The following NINJ2 variants were observed in gnomAD, a reference collection of about 807,000 sequenced individuals.
NINJ2 encodes ninjurin 2, also known as ninjurin-2.
Under a neutral mutation model 11.7 loss-of-function variants are expected in NINJ2, and 12 were observed. The ratio of observed to expected loss-of-function variants is 1.02; its 90% CI spans 0.66 to 1.66. The LOEUF (loss-of-function observed/expected upper bound fraction) is 1.66, where lower values mean the gene tolerates loss of function less well. Ranked by LOEUF, NINJ2 falls within the 40% of genes most tolerant of loss-of-function variation. NINJ2 has a pLI of 0.00. For synonymous variants in NINJ2, 93 were observed against 76.8 expected, an observed-to-expected ratio of 1.21 and a Z score of -1.10; for missense variants, 187 against 181.8, an observed-to-expected ratio of 1.03 and a Z score of -0.16.
chr12:655,042 ACT>A (rs1000989813), intron 1 of NINJ2, among the ~76,000 whole-genome samples: 1 of 152,144 alleles, frequency 6.6e-6, no homozygotes, highest in African/African-American at 2.4e-5. Flanking sequence ...CATGATAAAA[ACT>A]CTCAGTACAC....
At chr12:608,230 A>G (rs1192113976) in intron 1 of NINJ2, among the ~76,000 whole-genome samples, 4 of 152,184 alleles carry the variant, frequency 2.6e-5, no homozygotes, top group Non-Finnish European at 5.9e-5. Flanking sequence ...CCTTTAGACT[A>G]TCTTTAGGAA....
chr12:615,398 G>A (rs1348592231), intron 1 of NINJ2, among the ~76,000 whole-genome samples: 1 of 152,126 alleles, frequency 6.6e-6, no homozygotes, highest in East Asian at 1.9e-4. Flanking sequence ...AGACCAGCCT[G>A]ACCAACACAG....
chr12:646,032 G>C (rs1937674471), intron 1 of NINJ2, among the ~76,000 whole-genome samples: 1 of 152,062 alleles, frequency 6.6e-6, no homozygotes, highest in Non-Finnish European at 1.5e-5. Flanking sequence ...AAATAACAGG[G>C]TTTCTCTCTT....
intron 1 of NINJ2, among the ~76,000 whole-genome samples, chr12:600,481 G>A (rs766243205): frequency 2.6e-5 from 4 of 152,064 alleles, no homozygotes; most frequent in Admixed American, 2.0e-4. Context: ...ACTTGAACCT[G>A]GGAGGCGGAG....
intron 1 of NINJ2, among the ~76,000 whole-genome samples, chr12:648,980 A>ATCTATCTGTCTGTCTGTCTG (rs1555167420): frequency 5.6e-5 from 1 of 17,888 alleles, no homozygotes. Context: ...TCATCCACCT[A>ATCTATCTGTCTGTCTGTCTG]TCTATCTATC....
Position 585,874 on chromosome 12 carries a change from T to C in NINJ2, c.34-19696A>G, listed in dbSNP as rs1947630490. 6.6e-6 allele frequency: 1 copy of C among 152,016 alleles called. No individual in the cohort carries two copies. Among genetic ancestry groups the C allele is most frequent in the Non-Finnish European group, 1.5e-5 (1 of 67,986 alleles). The allele number at this position is 152,016 out of a possible 1,614,324, so 9.4% of individuals were successfully genotyped here. On this transcript the variant is annotated intron_variant, in intron 1 of 3. Coordinates refer to ENST00000305108, the MANE Select transcript of NINJ2 (RefSeq NM_016533.6). This position sits in a 1 kb window ranked among gnomAD's most constrained non-coding sequence, Gnocchi z 4.1. ...GCAGGAGCGCCTCCATCCAGGGGCGTGGAGGAGGCTCTGTGGATCTCAGGG... is the reference window on the plus strand; with the variant it reads ...GCAGGAGCGCCTCCATCCAGGGGCGCGGAGGAGGCTCTGTGGATCTCAGGG...
At chr12:611,749 A>G (rs921249334) in intron 1 of NINJ2, among the ~76,000 whole-genome samples, 5 of 152,224 alleles carry the variant, frequency 3.3e-5, no homozygotes, top group Non-Finnish European at 7.3e-5. Flanking sequence ...TTCTTCCCAT[A>G]CCCACCATAC....
Position 592,055 on chromosome 12 carries a change from C to T in NINJ2, c.34-25877G>A, listed in dbSNP as rs74658006. Reference sequence around the variant, plus strand: ...ATATCTTGTTTGCATTCTCGGTGAACTTACCATTAATCTGTGACAGATGAA... The same window carrying T: ...ATATCTTGTTTGCATTCTCGGTGAATTTACCATTAATCTGTGACAGATGAA... On this transcript the variant is annotated intron_variant, in intron 1 of 3. Coordinates refer to ENST00000305108, the MANE Select transcript of NINJ2 (RefSeq NM_016533.6). Among the ~76,000 whole-genome samples the T allele has an allele frequency of 7.8e-3, 1,180 of 152,188 alleles. 12 individuals are homozygous for T. The highest frequency in any genetic ancestry group is 0.027 in the African/African-American group (1,127 of 41,496).
At chr12:564,777 C>T (rs760226228) in intron 3 of NINJ2, 96 bp from the exon 4 acceptor site, 3 of 153,120 alleles carry the variant, frequency 2.0e-5, no homozygotes, top group African/African-American at 7.2e-5. Flanking sequence ...CCACGTTACT[C>T]ATGCACGTGC....
chr12:627,451 T>C (rs1948222210), intron 1 of NINJ2, among the ~76,000 whole-genome samples: 1 of 152,320 alleles, frequency 6.6e-6, no homozygotes, highest in East Asian at 1.9e-4. Context: ...GTAAGACTGA[T>C]GTCAGCTGGG....
chr12:615,012 C>T (rs1283233829), intron 1 of NINJ2, among the ~76,000 whole-genome samples: 2 of 152,210 alleles, frequency 1.3e-5, no homozygotes, highest in Non-Finnish European at 2.9e-5. Flanking sequence ...GAGGATTCTG[C>T]ACTCCCATGG....
At chr12:623,293 T>C (rs192679840) in intron 1 of NINJ2, among the ~76,000 whole-genome samples, 3 of 152,296 alleles carry the variant, frequency 2.0e-5, no homozygotes, top group Admixed American at 1.3e-4. Context: ...AGTGGAAAGC[T>C]GCTCCCATCT....
At chr12:599,604 T>C (rs1366676443) in intron 1 of NINJ2, among the ~76,000 whole-genome samples, 1 of 152,084 alleles carries the variant, frequency 6.6e-6, no homozygotes, top group East Asian at 1.9e-4. Flanking sequence ...AGAAAACAAC[T>C]CAGAGAGGTT....
At chr12:589,067 C>T (rs1228971956) in intron 1 of NINJ2, among the ~76,000 whole-genome samples, 1 of 152,148 alleles carries the variant, frequency 6.6e-6, no homozygotes, top group Non-Finnish European at 1.5e-5. Context: ...ACAGAAAATG[C>T]TCCCCAAAGC....
intron 1 of NINJ2, among the ~76,000 whole-genome samples, chr12:625,655 A>G (rs1470424319): frequency 2.0e-5 from 3 of 152,214 alleles, no homozygotes. Flanking sequence ...TGGACCTCTC[A>G]TGGACGGTAC....
intron 1 of NINJ2, among the ~76,000 whole-genome samples, chr12:575,479 C>G (rs1947442854): frequency 1.3e-5 from 2 of 152,232 alleles, no homozygotes; most frequent in Admixed American, 6.5e-5. Context: ...ATGCTCCCCC[C>G]AGGGAGAGCC....
At chr12:635,302 C>T (rs1384514412) in intron 1 of NINJ2, among the ~76,000 whole-genome samples, 6 of 152,064 alleles carry the variant, frequency 3.9e-5, no homozygotes, top group Admixed American at 6.5e-5. Flanking sequence ...CTGCCTGCCT[C>T]GGCCTCCCAA....
chr12:601,561 A>T (rs111677314), intron 1 of NINJ2, among the ~76,000 whole-genome samples: 17,204 of 144,358 alleles, frequency 0.12, 1,340 homozygotes, highest in Non-Finnish European at 0.18. Flanking sequence ...AAAAAAAAAA[A>T]AATAAATAAA....
At chr12:575,901 C>T (rs1163874222) in intron 1 of NINJ2, among the ~76,000 whole-genome samples, 1 of 152,094 alleles carries the variant, frequency 6.6e-6, no homozygotes, top group East Asian at 1.9e-4. Context: ...CTCAGCAGTC[C>T]TGAGGGAGCC....
Sources: allele counts gnomAD v4.1 joint callset (sites outside exome capture counted in the v4.1 genomes callset), GRCh38; gene constraint gnomAD v4.1.1; non-coding constraint Gnocchi (gnomAD v3.1); transcripts MANE v1.5; gene names NCBI Gene and HGNC (gene_info 2026-07-23, HGNC 2026-07-21).